Variants in PTPRD observed in about 807,000 individuals in gnomAD.
PTPRD encodes the protein protein tyrosine phosphatase receptor type D.
Under a neutral mutation model 214.5 loss-of-function variants are expected in PTPRD, and 34 were observed. That is an observed-to-expected ratio of 0.16 (90% CI 0.12 to 0.21). The LOEUF is 0.21. Ranked by LOEUF, PTPRD falls within the 10% of genes least tolerant of loss-of-function variation. The probability of loss-of-function intolerance (pLI) is 1.00; values close to 1 mark genes in which losing one functional copy is unlikely to be tolerated. For synonymous variants in PTPRD, 1,128 were observed against 845.7 expected, an observed-to-expected ratio of 1.33 and a Z score of -5.79; for missense variants, 2,545 against 2,398.7, an observed-to-expected ratio of 1.06 and a Z score of -1.27.
intron 2 of PTPRD, among the ~76,000 whole-genome samples, chr9:10,519,134 T>C (rs1274075777): frequency 1.3e-5 from 2 of 151,574 alleles, no homozygotes; most frequent in East Asian, 1.9e-4. Flanking sequence ...AACAGTTAGA[T>C]AACTCTTGAG....
At chr9:9,734,249 A>C (rs1332363953) in intron 7 of PTPRD, among the ~76,000 whole-genome samples, 1 of 152,134 alleles carries the variant, frequency 6.6e-6, no homozygotes, top group East Asian at 1.9e-4. Context: ...GAACTCTTTC[A>C]GTGGGGATTT....
intron 5 of PTPRD, among the ~76,000 whole-genome samples, chr9:9,899,632 C>T (rs1346954396): frequency 1.3e-5 from 2 of 151,752 alleles, no homozygotes; most frequent in African/African-American, 2.4e-5. Context: ...TTATGGAAAA[C>T]AGTATGGAGG....
At position 9,631,193 on chromosome 9, in the gene PTPRD, A is replaced by ATAAG. The variant is rs1267952868; in HGVS notation, c.-286-56413_-286-56412insCTTA. On this transcript the variant is annotated intron_variant, in intron 7 of 45. Transcript: ENST00000381196. The stretch of plus-strand genomic sequence containing the variant: ...TACTCCTTAGACAAGTATCTCATTC[A>ATAAG]TAAATAAATAAATAAATAAATAAAT... Among the ~76,000 whole-genome samples, 232 of 48,178 alleles carry ATAAG rather than the reference A, an allele frequency of 4.8e-3. 1 individual carries two copies. Among genetic ancestry groups the ATAAG allele is most frequent in the Middle Eastern group, 0.017 (1 of 58 alleles). 31.6% of individuals were successfully genotyped at this position (48,178 alleles called of 152,430 possible).
intron 11 of PTPRD, among the ~76,000 whole-genome samples, chr9:8,997,622 T>C (rs1368778969): frequency 2.0e-5 from 3 of 152,074 alleles, no homozygotes; most frequent in Non-Finnish European, 2.9e-5. Context: ...ATTGAAATTA[T>C]GCCCATTAAT....
intron 9 of PTPRD, among the ~76,000 whole-genome samples, chr9:9,323,958 T>A (rs1243577195): frequency 6.6e-6 from 1 of 152,150 alleles, no homozygotes; most frequent in African/African-American, 2.4e-5. Context: ...TCTGTCCTTG[T>A]GACAGTTTGC....
At chr9:10,513,506 T>C (rs1329032973) in intron 2 of PTPRD, among the ~76,000 whole-genome samples, 1 of 152,142 alleles carries the variant, frequency 6.6e-6, no homozygotes, top group African/African-American at 2.4e-5. Flanking sequence ...ATTGCAAGCA[T>C]ACAGGAAATA....
At chr9:10,104,726 T>C (rs905015718) in intron 3 of PTPRD, among the ~76,000 whole-genome samples, 2 of 151,856 alleles carry the variant, frequency 1.3e-5, no homozygotes, top group Non-Finnish European at 2.9e-5. Context: ...TATTTTAAAC[T>C]CAAAGTCAAT....
intron 3 of PTPRD, among the ~76,000 whole-genome samples, chr9:10,112,523 T>C (rs1044061959): frequency 2.0e-5 from 3 of 152,112 alleles, no homozygotes; most frequent in Admixed American, 2.0e-4. Flanking sequence ...ATCAAATTTG[T>C]AATGAAGGAG....
intron 2 of PTPRD, among the ~76,000 whole-genome samples, chr9:10,588,811 A>C (rs10809125): frequency 0.35 from 53,191 of 151,644 alleles, 9,694 homozygotes; most frequent in East Asian, 0.67. Flanking sequence ...CCTATTTCAA[A>C]TTGTATACCC....
rs1569567452 is a variant in PTPRD, at chr9:9,333,526, A to AT, written c.-203+63922_-203+63923insA. Among the ~76,000 whole-genome samples, 215 of 142,598 alleles carry AT rather than the reference A, an allele frequency of 1.5e-3. 4 individuals carry two copies. Among genetic ancestry groups the AT allele is most frequent in the African/African-American group, 5.5e-3 (199 of 35,954 alleles). The allele number at this position is 142,598 out of a possible 152,430, so 93.5% of individuals were successfully genotyped here. A position where few individuals can be genotyped will look rare whatever the true frequency, so the allele number is the denominator to read the frequency against. Reference sequence around the variant, plus strand: ...ATATTATATATATATATATATATATAAAGTCTGCAATGCAATCACAAGTGG... The same window carrying AT: ...ATATTATATATATATATATATATATATAAGTCTGCAATGCAATCACAAGTGG... On this transcript the variant is annotated intron_variant, in intron 9 of 45. Coordinates refer to ENST00000381196, the MANE Select transcript of PTPRD (RefSeq NM_002839.4).
chr9:10,300,390 C>A (rs1391275918), intron 3 of PTPRD, among the ~76,000 whole-genome samples: 3 of 152,102 alleles, frequency 2.0e-5, no homozygotes, highest in African/African-American at 7.2e-5. Context: ...CCCAGTGGCA[C>A]CTGGAATGCC....
At chr9:8,784,938 A>C (rs549966790) in intron 11 of PTPRD, among the ~76,000 whole-genome samples, 1 of 152,336 alleles carries the variant, frequency 6.6e-6, no homozygotes, top group African/African-American at 2.4e-5. Flanking sequence ...TGATAAGGTC[A>C]AATTTTCTTC....
intron 3 of PTPRD, among the ~76,000 whole-genome samples, chr9:10,046,358 G>A (rs1418952946): frequency 6.6e-6 from 1 of 151,728 alleles, no homozygotes; most frequent in Non-Finnish European, 1.5e-5. Context: ...ATAGTTCACT[G>A]AGGAATTTGA....
intron 5 of PTPRD, among the ~76,000 whole-genome samples, chr9:9,896,716 A>G (rs901624574): frequency 2.6e-4 from 40 of 152,242 alleles, no homozygotes; most frequent in African/African-American, 8.7e-4. Context: ...AACATATCAG[A>G]AAATACAGTT....
chr9:9,853,165 T>C (rs553494698), intron 5 of PTPRD, among the ~76,000 whole-genome samples: 1 of 152,302 alleles, frequency 6.6e-6, no homozygotes, highest in African/African-American at 2.4e-5. Context: ...GGGCAGATAG[T>C]AAATATCTTA....
intron 8 of PTPRD, among the ~76,000 whole-genome samples, chr9:9,529,789 A>AAT (rs199565438): frequency 2.0e-5 from 3 of 151,762 alleles, no homozygotes; most frequent in South Asian, 2.1e-4. Context: ...TTACCCAATG[A>AAT]ATATATATAT....
intron 2 of PTPRD, among the ~76,000 whole-genome samples, chr9:10,440,300 T>A (rs1345237465): frequency 1.3e-5 from 2 of 151,780 alleles, no homozygotes; most frequent in East Asian, 3.9e-4. Flanking sequence ...ATTTTTGTTG[T>A]CATTTTAGTT....
chr9:10,270,742 C>A (rs895033551), intron 3 of PTPRD, among the ~76,000 whole-genome samples: 2 of 152,170 alleles, frequency 1.3e-5, no homozygotes, highest in Non-Finnish European at 2.9e-5. Context: ...TTCAAATATA[C>A]AACTAGAATA....
chr9:9,105,617 T>C (rs2099797397), intron 10 of PTPRD, among the ~76,000 whole-genome samples: 1 of 152,182 alleles, frequency 6.6e-6, no homozygotes, highest in African/African-American at 2.4e-5. Context: ...GGTGACTGAG[T>C]ACTTCATCAA....
Sources: allele counts gnomAD v4.1 joint callset (sites outside exome capture counted in the v4.1 genomes callset), GRCh38; gene constraint gnomAD v4.1.1; transcripts MANE v1.5; gene names NCBI Gene and HGNC (gene_info 2026-07-23, HGNC 2026-07-21).